Variants in CDC20B observed in about 807,000 individuals in gnomAD.
CDC20B encodes cell division cycle protein 20 homolog B.
A neutral mutation model predicts 64.1 loss-of-function variants in CDC20B; 58 were observed. The ratio of observed to expected loss-of-function variants is 0.90; its 90% CI spans 0.73 to 1.13. The LOEUF (loss-of-function observed/expected upper bound fraction) is 1.13, where lower values mean the gene tolerates loss of function less well. Ranked by LOEUF, CDC20B falls within the 50% of genes most tolerant of loss-of-function variation. The pLI, the probability that CDC20B is intolerant of heterozygous loss-of-function variation, is 0.00. For missense variants in CDC20B, 597 were observed against 633.0 expected (o/e 0.94, Z 0.61); for synonymous variants, 243 against 230.6 (o/e 1.05, Z -0.49).
intron 2 of CDC20B, 29 bp downstream of exon 2, chr5:55,172,554 TAAAAC>T (rs1034255905): frequency 1.3e-6 from 2 of 1,537,706 alleles, no homozygotes; most frequent in Admixed American, 1.7e-5. Flanking sequence ...AGATCAGAAT[TAAAAC>T]AGAGAACAAG....
chr5:55,139,348 T>G (rs528152717), intron 5 of CDC20B, among the ~76,000 whole-genome samples: 15 of 152,026 alleles, frequency 9.9e-5, no homozygotes, highest in Admixed American at 2.0e-4. Context: ...AAATAGTGGA[T>G]ATAATATTGA....
chr5:55,159,640 T>C (rs1407228057), intron 2 of CDC20B, among the ~76,000 whole-genome samples: 2 of 152,224 alleles, frequency 1.3e-5, no homozygotes, highest in Non-Finnish European at 2.9e-5. Context: ...GCTAGATGAA[T>C]CAGGGTAAAT....
At chr5:55,159,360 G>T (rs1271255098) in intron 2 of CDC20B, among the ~76,000 whole-genome samples, 1 of 152,176 alleles carries the variant, frequency 6.6e-6, no homozygotes, top group African/African-American at 2.4e-5. Context: ...GGTGAATGAT[G>T]AAATCATTTT....
intron 5 of CDC20B, chr5:55,137,355 C>T: frequency 2.9e-6 from 1 of 342,354 alleles, no homozygotes; most frequent in East Asian, 7.4e-5. Flanking sequence ...AGAGGTACAC[C>T]TGAAAGTTTA....
intron 3 of CDC20B, among the ~76,000 whole-genome samples, chr5:55,145,636 C>A (rs548057961): frequency 2.0e-5 from 3 of 152,242 alleles, no homozygotes; most frequent in South Asian, 2.1e-4. Context: ...CCCACTCCCC[C>A]ATCTCTGCCC....
chr5:55,137,371 G>T, intron 5 of CDC20B: 1 of 344,270 alleles, frequency 2.9e-6, no homozygotes, highest in South Asian at 2.3e-5. Flanking sequence ...GTTTACAGGG[G>T]CTGCCTGCTG....
intron 11 of CDC20B, among the ~76,000 whole-genome samples, 158 bp downstream of exon 11, chr5:55,119,643 T>A (rs892711431): frequency 6.6e-6 from 1 of 152,208 alleles, no homozygotes; most frequent in Non-Finnish European, 1.5e-5. Context: ...CATTCAACTA[T>A]ACGCTCTCTG....
chr5:55,143,077 T>G (rs1393644338), intron 4 of CDC20B, among the ~76,000 whole-genome samples: 1 of 152,066 alleles, frequency 6.6e-6, no homozygotes, highest in Non-Finnish European at 1.5e-5. Flanking sequence ...AAGAAAGGCT[T>G]AAGGGAAATA....
At chr5:55,124,728 T>C (rs1014776636) in intron 9 of CDC20B, 75 bp downstream of exon 9, 2 of 1,245,498 alleles carry the variant, frequency 1.6e-6, no homozygotes, top group African/African-American at 1.5e-5. Flanking sequence ...GGCTTAATGA[T>C]TTTCTTTTTA....
intron 2 of CDC20B, chr5:55,160,188 C>A: frequency 6.2e-7 from 1 of 1,612,488 alleles, no homozygotes; most frequent in East Asian, 2.2e-5. Context: ...CTAGAATCCT[C>A]CAACATGGAG....
At chr5:55,127,478 C>T (rs1326252415) in intron 7 of CDC20B, 127 bp from the exon 8 acceptor site, 1 of 708,906 alleles carries the variant, frequency 1.4e-6, no homozygotes, top group African/African-American at 1.8e-5. Context: ...CCCAGCACAT[C>T]TAGCCAGCAG....
At chr5:55,129,264 G>T (rs143989680) in intron 6 of CDC20B, among the ~76,000 whole-genome samples, 2 of 151,950 alleles carry the variant, frequency 1.3e-5, no homozygotes, top group African/African-American at 2.4e-5. Flanking sequence ...AATACATTCC[G>T]TCCCCATGAT....
At position 55,114,014 on chromosome 5, in the gene CDC20B, A is replaced by G. The variant is rs1742566942; in HGVS notation, c.*204T>C. The G allele has an allele frequency of 1.1e-6, 1 of 876,798 alleles. No individual in the cohort carries two copies. Among genetic ancestry groups the G allele is most frequent in the African/African-American group, 1.7e-5 (1 of 58,484 alleles). 54.3% of individuals were successfully genotyped at this position (876,798 alleles called of 1,614,324 possible). A position where few individuals can be genotyped will look rare whatever the true frequency, so the allele number is the denominator to read the frequency against. On this transcript the variant is annotated 3_prime_UTR_variant, in exon 12 of 12. Coordinates refer to ENST00000381375, the MANE Select transcript of CDC20B (RefSeq NM_001170402.1). The surrounding 1 kb of genome is among the most constrained non-coding windows in gnomAD (Gnocchi z 4.1). ...AGGGGGAGGAAGAGGGGCAGAAAGA[A>G]GAAAGCAGAGAAGAAAAGAAGCGGA...
chr5:55,154,576 AT>A (rs2111912053), intron 2 of CDC20B, among the ~76,000 whole-genome samples: 1 of 152,284 alleles, frequency 6.6e-6, no homozygotes, highest in African/African-American at 2.4e-5. Flanking sequence ...ATTTAAAGGG[AT>A]GCAATTTATG....
intron 8 of CDC20B, 74 bp from the exon 9 acceptor site, chr5:55,125,102 T>C (rs1223083065): frequency 7.9e-7 from 1 of 1,273,554 alleles, no homozygotes; most frequent in East Asian, 2.4e-5. Context: ...GAAAGCATAG[T>C]TCAAAGTAAA....
In CDC20B at chr5:55,127,245, G is replaced by A; in HGVS notation, c.989+12C>T. On this transcript the variant is annotated intron_variant, in intron 8 of 11. Coordinates refer to ENST00000381375, the MANE Select transcript of CDC20B (RefSeq NM_001170402.1). ...ATACAAACATAACTGTCTCCAACAA[G>A]ACGCTTCTTACCTGCTGAGGATAAA... 1 of 1,607,866 alleles carries A rather than the reference G, an allele frequency of 6.2e-7. No individual in the cohort carries two copies. The highest frequency in any genetic ancestry group is 8.5e-7 in the Non-Finnish European group (1 of 1,174,426).
intron 4 of CDC20B, 117 bp from the exon 5 acceptor site, chr5:55,140,524 C>T (rs2111865458): frequency 1.6e-6 from 1 of 614,946 alleles, no homozygotes; most frequent in South Asian, 2.4e-5. Flanking sequence ...AAAGATTCCA[C>T]ATTGTCAAAG....
chr5:55,151,045 C>T (rs2111900884), intron 2 of CDC20B, among the ~76,000 whole-genome samples: 1 of 152,270 alleles, frequency 6.6e-6, no homozygotes, highest in South Asian at 2.1e-4. Context: ...CTCACAGGGC[C>T]ACTCGAACTT....
chr5:55,171,417 G>A (rs1744594998), intron 2 of CDC20B, among the ~76,000 whole-genome samples: 3 of 152,110 alleles, frequency 2.0e-5, no homozygotes, highest in Admixed American at 1.3e-4. Context: ...TCTAGGAGTC[G>A]TGATAATACA....
Sources: allele counts gnomAD v4.1 joint callset (sites outside exome capture counted in the v4.1 genomes callset), GRCh38; gene constraint gnomAD v4.1.1; non-coding constraint Gnocchi (gnomAD v3.1); transcripts MANE v1.5; gene names NCBI Gene and HGNC (gene_info 2026-07-23, HGNC 2026-07-21).